KSR2: variants seen among roughly 807,000 people sequenced by gnomAD.
The protein encoded by KSR2 is kinase suppressor of ras 2.
Under a neutral mutation model 107.8 loss-of-function variants are expected in KSR2, and 25 were observed. That is an observed-to-expected ratio of 0.23 (90% confidence interval 0.17 to 0.32). KSR2 has a LOEUF of 0.32. KSR2 is among the 10% of genes least tolerant of loss of function. KSR2 has a pLI of 1.00. For missense variants in KSR2, 887 were observed against 1,268.9 expected, an observed-to-expected ratio of 0.70 and a Z score of 4.57; for synonymous variants, 480 against 507.0, an observed-to-expected ratio of 0.95 and a Z score of 0.71.
intron 1 of KSR2, among the ~76,000 whole-genome samples, chr12:117,888,221 G>A (rs998328092): frequency 6.6e-6 from 1 of 152,178 alleles, no homozygotes; most frequent in Non-Finnish European, 1.5e-5. Context: ...TTGGAGGCCA[G>A]ATTCAACCCT....
chr12:117,928,032 T>C (rs1359590067), intron 1 of KSR2, among the ~76,000 whole-genome samples: 1 of 152,170 alleles, frequency 6.6e-6, no homozygotes, highest in East Asian at 1.9e-4. Flanking sequence ...CGTTCTACTT[T>C]CTGTCTCTGA....
At chr12:117,596,466 C>A (rs1683167610) in intron 5 of KSR2, among the ~76,000 whole-genome samples, 1 of 152,188 alleles carries the variant, frequency 6.6e-6, no homozygotes, top group African/African-American at 2.4e-5. Flanking sequence ...GTGTCTGCCA[C>A]TTCCCACCTG....
chr12:117,736,431 C>G (rs1364874943), intron 4 of KSR2, among the ~76,000 whole-genome samples: 1 of 152,126 alleles, frequency 6.6e-6, no homozygotes, highest in Non-Finnish European at 1.5e-5. Context: ...TAATAAGGAC[C>G]GAGTAACTAT....
intron 4 of KSR2, among the ~76,000 whole-genome samples, chr12:117,669,938 C>T (rs984369664): frequency 7.2e-6 from 1 of 138,662 alleles, no homozygotes; most frequent in Non-Finnish European, 1.5e-5. Context: ...CAATTATTCA[C>T]AGTCTGTTGC....
rs189077866 is a variant in KSR2 at position 117,595,225 on chromosome 12, T to C, written c.1172-12866A>G. On this transcript the variant is annotated intron_variant, in intron 5 of 19. Transcript: ENST00000339824. ...GTGACAGGGCCTTTTCACTATTGGG[T>C]CTCCTACAAAGGAGTTTATTTATTT... Among the ~76,000 whole-genome samples, 22 of 152,310 alleles carry C rather than the reference T, an allele frequency of 1.4e-4. No homozygotes were observed. In the East Asian group the frequency reaches 4.0e-3, roughly 28 times the overall value.
chr12:117,700,767 C>A (rs1886268652), intron 4 of KSR2, among the ~76,000 whole-genome samples: 3 of 152,236 alleles, frequency 2.0e-5, no homozygotes, highest in East Asian at 3.9e-4. Context: ...ATGTCAGTAT[C>A]TCTCAGATAA....
intron 1 of KSR2, among the ~76,000 whole-genome samples, chr12:117,916,784 C>T (rs1300638746): frequency 6.6e-6 from 1 of 152,180 alleles, no homozygotes; most frequent in African/African-American, 2.4e-5. Context: ...AATAGAAGCG[C>T]CCCATTCAAG....
At chr12:117,590,304 T>G (rs149737408) in intron 5 of KSR2, among the ~76,000 whole-genome samples, 48 of 152,338 alleles carry the variant, frequency 3.2e-4, no homozygotes, top group African/African-American at 9.9e-4. Context: ...AGGAAGGGCC[T>G]CAAGGGCAAT....
intron 4 of KSR2, among the ~76,000 whole-genome samples, chr12:117,737,782 CAAAAAAA>C (rs10587288): frequency 1.2e-5 from 1 of 84,044 alleles, no homozygotes; most frequent in African/African-American, 3.9e-5. Flanking sequence ...AATCCTGTCT[CAAAAAAA>C]AAAAAAAAAA....
intron 3 of KSR2, among the ~76,000 whole-genome samples, chr12:117,773,721 GA>G (rs1445941213): frequency 4.6e-5 from 7 of 152,108 alleles, no homozygotes; most frequent in Non-Finnish European, 4.4e-5. Context: ...ATTGGTAGAA[GA>G]AAAAAACTGT....
chr12:117,505,102 A>C (rs149342153), intron 14 of KSR2, among the ~76,000 whole-genome samples: 1 of 152,306 alleles, frequency 6.6e-6, no homozygotes, highest in East Asian at 1.9e-4. Context: ...TTTATGGACG[A>C]GTAGTATTCC....
At chr12:117,938,452 G>C (rs574687215) in intron 1 of KSR2, among the ~76,000 whole-genome samples, 1 of 151,888 alleles carries the variant, frequency 6.6e-6, no homozygotes, top group Non-Finnish European at 1.5e-5. Context: ...CCAGAGGTTC[G>C]AGATCAGCCT....
At position 117,667,517 on chromosome 12, in the gene KSR2, C is replaced by A. The variant is rs1427292564; in HGVS notation, c.1128G>T (p.Leu376=). The change falls in exon 5 of 20, where the codon CTG becomes CTT. Residue 376 remains leucine, a synonymous_variant. Coordinates refer to ENST00000339824, the MANE Select transcript of KSR2 (RefSeq NM_173598.6). ...RSFFVGHAPF[L]PSTPPVHTEA... is the part of the protein sequence containing the mutation. ...CAGTGTGAACAGGAGGGGTGGAAGG[C>A]AGGAAAGGTGCGTGTCCCACAAAGA... 6.2e-7 allele frequency: 1 copy of A among 1,612,532 alleles called. No individual in the cohort carries two copies. The highest frequency in any genetic ancestry group is 1.1e-5 in the South Asian group (1 of 90,658).
At chr12:117,813,393 C>T (rs758916981) in intron 3 of KSR2, among the ~76,000 whole-genome samples, 42 of 152,176 alleles carry the variant, frequency 2.8e-4, no homozygotes, top group African/African-American at 9.6e-4. Context: ...CTATCTTACA[C>T]GGGACTAATA....
intron 3 of KSR2, among the ~76,000 whole-genome samples, chr12:117,841,144 A>G (rs1442397123): frequency 2.0e-5 from 3 of 152,188 alleles, no homozygotes; most frequent in Admixed American, 1.3e-4. Flanking sequence ...TAATTAGAGA[A>G]AGCAAAAAGC....
chr12:117,530,754 A>G (rs778519406), intron 12 of KSR2, among the ~76,000 whole-genome samples, 187 bp downstream of exon 12: 15 of 151,980 alleles, frequency 9.9e-5, no homozygotes, highest in Non-Finnish European at 1.6e-4. Context: ...TCTCTGTCTG[A>G]GCTGTCACGC....
At chr12:117,792,274 C>T (rs554948040) in intron 3 of KSR2, among the ~76,000 whole-genome samples, 4 of 151,886 alleles carry the variant, frequency 2.6e-5, no homozygotes, top group Admixed American at 1.3e-4. Flanking sequence ...TGCTTAAGCC[C>T]GGGAGGTCGA....
Position 117,464,239 on chromosome 12 carries a change from G to A in KSR2, c.*2960C>T, listed in dbSNP as rs1288068233. On this transcript the variant is annotated 3_prime_UTR_variant, in exon 20 of 20. Coordinates refer to ENST00000339824, the MANE Select transcript of KSR2 (RefSeq NM_173598.6). ...GAGATGTTTCTCTCTGCAAAGCCAAGGCTTCCTGGTGAATCTTCACCCTGT... is the reference window on the plus strand; with the variant it reads ...GAGATGTTTCTCTCTGCAAAGCCAAAGCTTCCTGGTGAATCTTCACCCTGT... The A allele has an allele frequency of 6.6e-6, 1 of 152,216 alleles. No individual in the cohort carries two copies. The highest frequency in any genetic ancestry group is 1.5e-5 in the Non-Finnish European group (1 of 68,044). 9.4% of individuals were successfully genotyped at this position (152,216 alleles called of 1,614,324 possible). A position where few individuals can be genotyped will look rare whatever the true frequency, so the allele number is the denominator to read the frequency against.
intron 14 of KSR2, among the ~76,000 whole-genome samples, chr12:117,501,751 A>G (rs899769704): frequency 2.4e-4 from 36 of 152,246 alleles, no homozygotes; most frequent in African/African-American, 8.7e-4. Flanking sequence ...AGGTGGAGAC[A>G]GACTGAACTA....
Sources: gnomAD v4.1 joint callset for allele counts (sites outside exome capture counted in the v4.1 genomes callset) on GRCh38, gnomAD v4.1.1 for gene constraint, MANE v1.5 for transcripts, NCBI Gene and HGNC (gene_info 2026-07-23, HGNC 2026-07-21) for gene names.